The following ARHGAP24 variants were observed in gnomAD, a reference collection of about 807,000 sequenced individuals.
The protein encoded by ARHGAP24 is Rho GTPase activating protein 24.
Under a neutral mutation model 76.4 loss-of-function variants are expected in ARHGAP24, and 50 were observed. The ratio of observed to expected loss-of-function variants is 0.65; its 90% CI spans 0.52 to 0.83. The LOEUF is 0.83. Ranked by LOEUF, ARHGAP24 falls within the 40% of genes least tolerant of loss-of-function variation. The pLI is 0.00. For missense variants in ARHGAP24, 930 were observed against 914.2 expected (o/e 1.02, Z -0.22); for synonymous variants, 345 against 323.3 (o/e 1.07, Z -0.72).
intron 2 of ARHGAP24, among the ~76,000 whole-genome samples, chr4:85,705,030 CT>C (rs1031693526): frequency 5.3e-4 from 80 of 152,088 alleles, no homozygotes; most frequent in African/African-American, 1.6e-3. Context: ...TATACCTATT[CT>C]TCACATTTAA....
intron 3 of ARHGAP24, among the ~76,000 whole-genome samples, chr4:85,870,753 G>T (rs772463804): frequency 3.9e-5 from 6 of 152,180 alleles, no homozygotes; most frequent in Non-Finnish European, 8.8e-5. Flanking sequence ...GAGGGTTGTA[G>T]GTTCCTTTCC....
intron 3 of ARHGAP24, among the ~76,000 whole-genome samples, chr4:85,899,145 A>G (rs1037816410): frequency 4.6e-5 from 7 of 152,224 alleles, no homozygotes; most frequent in African/African-American, 1.7e-4. Context: ...GCACAAGCTA[A>G]TGAGTAATGT....
chr4:85,519,480 T>C (rs1331766742), intron 1 of ARHGAP24, among the ~76,000 whole-genome samples: 1 of 152,124 alleles, frequency 6.6e-6, no homozygotes, highest in East Asian at 1.9e-4. Context: ...ACCAAGTAAG[T>C]CAGCAATTAA....
chr4:85,752,638 C>T (rs1391140969), intron 3 of ARHGAP24, among the ~76,000 whole-genome samples: 1 of 152,162 alleles, frequency 6.6e-6, no homozygotes, highest in Non-Finnish European at 1.5e-5. Context: ...TGGAAAGAGA[C>T]AGGCTTGGGT....
chr4:85,487,437 T>C (rs1377111073), intron 1 of ARHGAP24, among the ~76,000 whole-genome samples: 292 of 95,498 alleles, frequency 3.1e-3, no homozygotes, highest in African/African-American at 9.2e-3. Context: ...AATATATAAA[T>C]ATATATTTAT....
chr4:85,975,958 G>T (rs1429901712), intron 7 of ARHGAP24, among the ~76,000 whole-genome samples: 5 of 152,116 alleles, frequency 3.3e-5, no homozygotes, highest in Non-Finnish European at 7.3e-5. Flanking sequence ...CAGTACCTTG[G>T]GTTCCAGAAT....
At chr4:85,667,209 C>T (rs1387228051) in intron 2 of ARHGAP24, among the ~76,000 whole-genome samples, 1 of 152,162 alleles carries the variant, frequency 6.6e-6, no homozygotes, top group African/African-American at 2.4e-5. Flanking sequence ...ATGGCGGGCT[C>T]CCCTCCCCCA....
chr4:85,923,674 A>G lies in ARHGAP24; in HGVS notation c.295A>G (p.Asn99Asp), dbSNP rs763557797. The G allele has an allele frequency of 1.7e-5, 27 of 1,613,746 alleles. No homozygotes were observed. Among genetic ancestry groups the G allele is most frequent in the Non-Finnish European group, 2.2e-5 (26 of 1,179,888 alleles). The part of the protein sequence containing the change: ...PGGDRDRMTA[N>D]HESYLLMAST... ...AGGCGATCGAGATCGGATGACAGCA[A>G]ATCATGAAAGCTACCTCCTCATGGC... The change falls in exon 4 of 10, where the codon AAT becomes GAT. Residue 99 changes from asparagine to aspartate, a missense_variant. Physicochemically the swap from Asn to Asp is conservative, Grantham distance 23. Coordinates refer to ENST00000395184, the MANE Select transcript of ARHGAP24 (RefSeq NM_001025616.3).
At chr4:85,526,955 T>C (rs1725030878) in intron 1 of ARHGAP24, among the ~76,000 whole-genome samples, 1 of 152,222 alleles carries the variant, frequency 6.6e-6, no homozygotes, top group South Asian at 2.1e-4. Flanking sequence ...ACTTATTTCT[T>C]ATAAGCTCAA....
intron 3 of ARHGAP24, among the ~76,000 whole-genome samples, chr4:85,921,556 G>T (rs78465938): frequency 0.036 from 5,323 of 147,358 alleles, 221 homozygotes; most frequent in East Asian, 0.096. Flanking sequence ...TAAAAAAAAA[G>T]ATCACTGAGT....
chr4:85,712,660 G>C (rs1432079821), intron 2 of ARHGAP24, among the ~76,000 whole-genome samples: 1 of 151,962 alleles, frequency 6.6e-6, no homozygotes, highest in Non-Finnish European at 1.5e-5. Context: ...CTGCCTCCAC[G>C]TTCATGTAGC....
intron 3 of ARHGAP24, among the ~76,000 whole-genome samples, chr4:85,919,254 T>C (rs1362304841): frequency 6.6e-6 from 1 of 152,166 alleles, no homozygotes; most frequent in African/African-American, 2.4e-5. Context: ...AAAGTCAAAA[T>C]TCTGAGTTTA....
intron 1 of ARHGAP24, among the ~76,000 whole-genome samples, chr4:85,501,935 A>C (rs1425566705): frequency 1.3e-5 from 2 of 152,046 alleles, no homozygotes; most frequent in Non-Finnish European, 2.9e-5. Flanking sequence ...TCAGCTTTCT[A>C]CATATGGCTA....
chr4:85,856,966 T>G (rs967315256), intron 3 of ARHGAP24, among the ~76,000 whole-genome samples: 2 of 152,310 alleles, frequency 1.3e-5, no homozygotes, highest in South Asian at 4.1e-4. Context: ...CATAAACATC[T>G]CGTGAATGTA....
chr4:85,722,345 T>C, intron 3 of ARHGAP24: 1 of 174,548 alleles, frequency 5.7e-6, no homozygotes, highest in Admixed American at 5.7e-5. Context: ...CTGACATATT[T>C]CCTCACAAAA....
Position 85,600,707 on chromosome 4 carries a change from C to T in ARHGAP24, c.180+29986C>T, listed in dbSNP as rs138091186. Among the ~76,000 whole-genome samples the T allele has an allele frequency of 5.9e-5, 9 of 152,308 alleles. No homozygotes were observed. In the East Asian group the frequency reaches 1.4e-3, roughly 23 times the overall value. On this transcript the variant is annotated intron_variant, in intron 2 of 9. Transcript: ENST00000395184. The stretch of plus-strand genomic sequence containing the variant: ...CTCACTTGAAGAACTTGTGCTGCTT[C>T]TCTTTCATGATGTGGTTTTCATAAA...
At chr4:85,779,761 A>G (rs975649683) in intron 3 of ARHGAP24, among the ~76,000 whole-genome samples, 1 of 152,090 alleles carries the variant, frequency 6.6e-6, no homozygotes. Flanking sequence ...GCACAGAAAA[A>G]AATCCCTGTG....
chr4:85,853,828 C>CCAG (rs1341523245), intron 3 of ARHGAP24, among the ~76,000 whole-genome samples: 6 of 152,056 alleles, frequency 3.9e-5, no homozygotes, highest in African/African-American at 1.4e-4. Flanking sequence ...GTGGCACACA[C>CCAG]CTGTAGTGCC....
At chr4:85,997,126 C>T (rs917476967) in intron 9 of ARHGAP24, among the ~76,000 whole-genome samples, 3 of 152,158 alleles carry the variant, frequency 2.0e-5, no homozygotes, top group South Asian at 2.1e-4. Flanking sequence ...GGTGGGGGAC[C>T]GCTCGTGGCC....
Sources: allele counts gnomAD v4.1 joint callset (sites outside exome capture counted in the v4.1 genomes callset), GRCh38; gene constraint gnomAD v4.1.1; transcripts MANE v1.5; gene names NCBI Gene and HGNC (gene_info 2026-07-23, HGNC 2026-07-21).